The following NMNAT1 variants were observed in gnomAD, a reference collection of about 807,000 sequenced individuals.
The protein encoded by NMNAT1 is nicotinamide nucleotide adenylyltransferase 1, also known as nicotinamide/nicotinic acid mononucleotide adenylyltransferase 1.
NMNAT1 carries 11 observed loss-of-function variants against 16.7 expected under a neutral mutation model. That is an observed-to-expected ratio of 0.66 (90% CI 0.41 to 1.09). NMNAT1 has a LOEUF of 1.09. Ranked by LOEUF, NMNAT1 falls within the 50% of genes least tolerant of loss-of-function variation. The probability of loss-of-function intolerance (pLI) is 0.00; values close to 1 mark genes in which losing one functional copy is unlikely to be tolerated. For missense variants in NMNAT1, 280 were observed against 332.3 expected (o/e 0.84, Z 1.22); for synonymous variants, 110 against 119.8 (o/e 0.92, Z 0.53).
At chr1:9,996,742 G>A in the NMNAT1 span, among the ~76,000 whole-genome samples, 2 of 152,112 alleles carry the variant, frequency 1.3e-5, no homozygotes, top group African/African-American at 4.8e-5. Flanking sequence ...GTAACAAGCA[G>A]GAATAAAAGG....
intron 3 of NMNAT1, among the ~76,000 whole-genome samples, chr1:9,978,519 A>G (rs1641864567): frequency 6.6e-6 from 1 of 152,192 alleles, no homozygotes; most frequent in Non-Finnish European, 1.5e-5. Flanking sequence ...AGGATTGGGC[A>G]CTGAGTCAGT....
At chr1:9,988,855 G>A (rs1028667565), downstream of NMNAT1, among the ~76,000 whole-genome samples, 1 of 151,678 alleles carries the variant, frequency 6.6e-6, no homozygotes, top group Non-Finnish European at 1.5e-5. Context: ...TAGTAGAGAT[G>A]GGGTTTTGTC....
intron 1 of NMNAT1, among the ~76,000 whole-genome samples, chr1:9,948,651 ATT>A (rs748173364): frequency 1.4e-5 from 2 of 144,120 alleles, no homozygotes; most frequent in Non-Finnish European, 3.1e-5. Flanking sequence ...ATACTTCAGA[ATT>A]TTTTTTTTTT....
intron 1 of NMNAT1, among the ~76,000 whole-genome samples, chr1:9,963,434 G>A (rs1641470748): frequency 6.6e-6 from 1 of 150,756 alleles, no homozygotes. Flanking sequence ...TTCCAAGATG[G>A]CGTCTTGCTG....
the NMNAT1 span, among the ~76,000 whole-genome samples, chr1:9,991,449 C>T: frequency 2.0e-5 from 3 of 152,116 alleles, no homozygotes; most frequent in East Asian, 1.9e-4. Context: ...GGATTACAGG[C>T]GTGAGCCACC....
At chr1:9,980,084 A>G (rs1641907620) in intron 3 of NMNAT1, among the ~76,000 whole-genome samples, 1 of 151,376 alleles carries the variant, frequency 6.6e-6, no homozygotes, top group Admixed American at 6.6e-5. Context: ...GGCATGTGCC[A>G]CCACACCCGG....
At chr1:9,988,066 C>T (rs1642066586), downstream of NMNAT1, among the ~76,000 whole-genome samples, 1 of 152,050 alleles carries the variant, frequency 6.6e-6, no homozygotes, top group South Asian at 2.1e-4. Context: ...GGCACGATCT[C>T]AGCTCACTGC....
chr1:9,982,626 C>T lies in NMNAT1; in HGVS notation c.765C>T (p.Ser255=). Residue 255 remains serine, a synonymous_variant, in exon 5 of 5, where the codon AGC becomes AGT. Coordinates refer to ENST00000377205, the MANE Select transcript of NMNAT1 (RefSeq NM_022787.4). The stretch of plus-strand genomic sequence containing the variant: ...ACATTGAAAAGCATAATTTGTACAG[C>T]TCTGAGAGTGAAGACAGGAATGCTG... ...QEYIEKHNLY[S]SESEDRNAGV... is the part of the protein sequence containing the mutation. The T allele has an allele frequency of 6.2e-7, 1 of 1,614,124 alleles. No homozygotes were observed. Among genetic ancestry groups the T allele is most frequent in the South Asian group, 1.1e-5 (1 of 91,082 alleles).
At chr1:9,980,464 CAA>C (rs70998337) in intron 3 of NMNAT1, among the ~76,000 whole-genome samples, 1 of 148,936 alleles carries the variant, frequency 6.7e-6, no homozygotes, top group Admixed American at 6.7e-5. Flanking sequence ...ACTAAAAATA[CAA>C]AAAAAAATTG....
chr1:9,995,565 G>C, the NMNAT1 span, among the ~76,000 whole-genome samples: 4 of 151,696 alleles, frequency 2.6e-5, no homozygotes, highest in African/African-American at 4.8e-5. Flanking sequence ...ATGGTGGCAG[G>C]TACCTGTAAT....
chr1:9,988,184 GAC>G (rs1352040875), downstream of NMNAT1, among the ~76,000 whole-genome samples: 1 of 152,012 alleles, frequency 6.6e-6, no homozygotes, highest in Admixed American at 6.6e-5. Flanking sequence ...TTTTAATAGA[GAC>G]AGGGTTTCTC....
chr1:9,980,720 G>A (rs904335641), intron 3 of NMNAT1, among the ~76,000 whole-genome samples: 5 of 151,076 alleles, frequency 3.3e-5, no homozygotes, highest in African/African-American at 7.3e-5. Flanking sequence ...GCAGTGGTGC[G>A]GTCTTGGCTC....
chr1:9,971,060 A>T (rs1207670545), intron 1 of NMNAT1, among the ~76,000 whole-genome samples: 1 of 151,996 alleles, frequency 6.6e-6, no homozygotes, highest in African/African-American at 2.4e-5. Flanking sequence ...GAGCAGATGG[A>T]CTGTAGTTGG....
chr1:9,991,722 GA>G, the NMNAT1 span, among the ~76,000 whole-genome samples: 5 of 151,928 alleles, frequency 3.3e-5, no homozygotes, highest in African/African-American at 1.2e-4. Context: ...CAATAAAAAA[GA>G]AAAAAGATAA....
chr1:9,948,477 G>A (rs1641029433), intron 1 of NMNAT1, among the ~76,000 whole-genome samples: 1 of 151,998 alleles, frequency 6.6e-6, no homozygotes, highest in African/African-American at 2.4e-5. Context: ...CTTGGGGTAA[G>A]GGCTGAGGTG....
chr1:9,996,101 T>G, the NMNAT1 span, among the ~76,000 whole-genome samples: 738 of 151,934 alleles, frequency 4.9e-3, 9 homozygotes, highest in African/African-American at 0.017. Flanking sequence ...CACAAGGTCA[T>G]GAGATCGAGA....
intron 1 of NMNAT1, among the ~76,000 whole-genome samples, chr1:9,968,664 G>C (rs557193154): frequency 1.1e-4 from 16 of 149,540 alleles, no homozygotes; most frequent in African/African-American, 3.7e-4. Flanking sequence ...CCAGCTACTC[G>C]GGAGGCTGAG....
At chr1:9,960,877 A>C (rs969142703) in intron 1 of NMNAT1, 2 of 152,264 alleles carry the variant, frequency 1.3e-5, no homozygotes, top group African/African-American at 4.8e-5. Context: ...CCCATTCATC[A>C]ATCGGCCACA....
intron 1 of NMNAT1, among the ~76,000 whole-genome samples, chr1:9,970,700 A>G (rs1241867949): frequency 6.6e-6 from 1 of 152,088 alleles, no homozygotes; most frequent in East Asian, 1.9e-4. Context: ...AAAAAAAAAA[A>G]AAAGAAATTT....
Sources: allele counts gnomAD v4.1 joint callset (sites outside exome capture counted in the v4.1 genomes callset), GRCh38; gene constraint gnomAD v4.1.1; transcripts MANE v1.5; gene names NCBI Gene and HGNC (gene_info 2026-07-23, HGNC 2026-07-21).